Variants in CAMKK2 observed in about 807,000 individuals in gnomAD.
The protein encoded by CAMKK2 is calcium/calmodulin-dependent protein kinase kinase 2.
CAMKK2 carries 30 observed loss-of-function variants against 67.2 expected under a neutral mutation model. The ratio of observed to expected loss-of-function variants is 0.45; its 90% confidence interval spans 0.33 to 0.61. The LOEUF is 0.61. Ranked by LOEUF, CAMKK2 falls within the 20% of genes least tolerant of loss-of-function variation. CAMKK2 has a pLI of 0.02. For missense variants in CAMKK2, 643 were observed against 802.0 expected (o/e 0.80, Z 2.39); for synonymous variants, 322 against 326.2 (o/e 0.99, Z 0.14).
Position 121,285,124 on chromosome 12 carries a change from ACC to A in CAMKK2, c.-59-10541_-59-10540del, listed in dbSNP as rs898294041. ...TATGAGAGGTGGCCCTACAGGGCTGACCCCACCATCAGCTTCAGAGATTTGCA... is the reference window on the plus strand; with the variant it reads ...TATGAGAGGTGGCCCTACAGGGCTGACCACCATCAGCTTCAGAGATTTGCA... On this transcript the variant is annotated intron_variant, in intron 1 of 16. Coordinates refer to ENST00000404169, the MANE Select transcript of CAMKK2 (RefSeq NM_001270485.2). This position sits in a 1 kb window ranked among gnomAD's most constrained non-coding sequence, Gnocchi z 4.1. 1.3e-5 allele frequency among the ~76,000 whole-genome samples: 2 copies of A among 152,192 alleles called. No homozygotes were observed. The highest frequency in any genetic ancestry group is 2.4e-5 in the African/African-American group (1 of 41,444).
chr12:121,253,285 G>T lies in CAMKK2; in HGVS notation c.1095C>A (p.Ile365=), dbSNP rs3815990. The T allele has an allele frequency of 0.054, 87,496 of 1,613,988 alleles. 2,937 individuals are homozygous for T. Among genetic ancestry groups the T allele is most frequent in the South Asian group, 0.11 (10,297 of 91,086 alleles). ...GGCCCAAGCTTACCTTCCCAGAGAA[G>T]ATCTTGCGGGTCTCAGAGAGCGACT... The part of the protein sequence containing the change: ...APESLSETRK[I]FSGKALDVWA... Residue 365 remains isoleucine, a synonymous_variant, in exon 10 of 17, where the codon ATC becomes ATA. Coordinates refer to ENST00000404169, the MANE Select transcript of CAMKK2 (RefSeq NM_001270485.2). The surrounding 1 kb of genome is among the most constrained non-coding windows in gnomAD (Gnocchi z 5.0).
chr12:121,293,524 T>C (rs2136675341), intron 1 of CAMKK2, among the ~76,000 whole-genome samples: 1 of 152,146 alleles, frequency 6.6e-6, no homozygotes, highest in Non-Finnish European at 1.5e-5. Flanking sequence ...TAATGGTGAT[T>C]CTGTGGCCCA....
chr12:121,240,465 T>G lies in CAMKK2; in HGVS notation c.*234A>C, dbSNP rs1350188271. ...ATGCACGTGGGTTTGGGTCTGCAAC[T>G]CCTCACACCCGCCTGTCCAGCCAGC... On this transcript the variant is annotated 3_prime_UTR_variant, in exon 17 of 17. Transcript: ENST00000404169. The surrounding 1 kb of genome is among the most constrained non-coding windows in gnomAD (Gnocchi z 4.4). 6.5e-7 allele frequency: 1 copy of G among 1,533,992 alleles called. No homozygotes were observed. Among genetic ancestry groups the G allele is most frequent in the East Asian group, 2.4e-5 (1 of 40,854 alleles).
At chr12:121,258,158 G>C (rs1892727718) in intron 7 of CAMKK2, among the ~76,000 whole-genome samples, 1 of 151,748 alleles carries the variant, frequency 6.6e-6, no homozygotes, top group Non-Finnish European at 1.5e-5. Flanking sequence ...CCAAGTAGCT[G>C]AGATTACAGG....
intron 1 of CAMKK2, among the ~76,000 whole-genome samples, chr12:121,281,478 TG>T (rs1432173139): frequency 6.6e-6 from 1 of 152,230 alleles, no homozygotes; most frequent in African/African-American, 2.4e-5. Context: ...CTGTCTCACA[TG>T]GGGAAACTGA....
At chr12:121,289,807 C>T (rs1000022043) in intron 1 of CAMKK2, among the ~76,000 whole-genome samples, 1 of 151,498 alleles carries the variant, frequency 6.6e-6, no homozygotes, top group African/African-American at 2.4e-5. Context: ...GCACGACAAT[C>T]GCCTGAACCC....
chr12:121,263,718 C>T, intron 6 of CAMKK2, 88 bp downstream of exon 6: 1 of 1,354,796 alleles, frequency 7.4e-7, no homozygotes, highest in Non-Finnish European at 1.0e-6. Flanking sequence ...CTGGTGTGAC[C>T]TGGCTCTCCC....
At chr12:121,266,718 T>G (rs916646057) in intron 5 of CAMKK2, among the ~76,000 whole-genome samples, 5 of 151,964 alleles carry the variant, frequency 3.3e-5, no homozygotes, top group African/African-American at 1.2e-4. Context: ...GATCTTGAAC[T>G]CCTGACCTCG....
At chr12:121,271,332 G>A (rs1441785513) in intron 2 of CAMKK2, among the ~76,000 whole-genome samples, 2 of 148,518 alleles carry the variant, frequency 1.3e-5, no homozygotes, top group Non-Finnish European at 3.0e-5. Context: ...AACACATACA[G>A]GTAACCAGAA....
intron 16 of CAMKK2, among the ~76,000 whole-genome samples, chr12:121,242,767 G>A (rs569002222): frequency 7.7e-4 from 117 of 152,248 alleles, no homozygotes; most frequent in Non-Finnish European, 1.4e-3. Flanking sequence ...TTTTGAGACG[G>A]AGTCTCGCTC....
chr12:121,256,563 C>A (rs1813725542), intron 7 of CAMKK2, among the ~76,000 whole-genome samples: 1 of 152,142 alleles, frequency 6.6e-6, no homozygotes, highest in African/African-American at 2.4e-5. Flanking sequence ...ATTCTTCCCT[C>A]CCTCAATCCC....
At chr12:121,250,097 C>G in intron 11 of CAMKK2, 63 bp from the exon 12 acceptor site, 2 of 1,281,796 alleles carry the variant, frequency 1.6e-6, no homozygotes, top group Non-Finnish European at 2.2e-6. Context: ...TCGAGGGCCA[C>G]CTGTGCTGTG....
chr12:121,271,094 G>T, intron 2 of CAMKK2, 149 bp from the exon 3 acceptor site: 2 of 642,660 alleles, frequency 3.1e-6, no homozygotes, highest in South Asian at 3.7e-5. Context: ...GGCCAACATG[G>T]TGAAATCCCA....
intron 1 of CAMKK2, among the ~76,000 whole-genome samples, chr12:121,282,970 G>T (rs1234888571): frequency 1.3e-5 from 2 of 152,054 alleles, no homozygotes; most frequent in African/African-American, 4.8e-5. Flanking sequence ...GGTCAGGCTG[G>T]TCTCAAACTA....
rs1891003214 is a variant in CAMKK2 at position 121,252,712 on chromosome 12, G to A, written c.1110C>T (p.Ala370=). The A allele has an allele frequency of 6.2e-7, 1 of 1,614,138 alleles. No individual in the cohort carries two copies. The highest frequency in any genetic ancestry group is 2.2e-5 in the East Asian group (1 of 44,888). ...TCACACCCATGGCCCAAACATCCAA[G>A]GCCTGCAAGAAAAAGAGCTTAGTGT... ...SETRKIFSGK[A]LDVWAMGVTL... The change falls in exon 11 of 17, where the codon GCC becomes GCT. Residue 370 remains alanine, a splice_region_variant and synonymous_variant. Transcript: ENST00000404169.
chr12:121,276,062 A>T (rs1896742173), intron 1 of CAMKK2, among the ~76,000 whole-genome samples: 1 of 151,368 alleles, frequency 6.6e-6, no homozygotes, highest in African/African-American at 2.4e-5. Flanking sequence ...CAGGAGGCTG[A>T]GGCAGGAGAA....
At chr12:121,265,277 G>T (rs1168476892) in intron 5 of CAMKK2, among the ~76,000 whole-genome samples, 1 of 152,144 alleles carries the variant, frequency 6.6e-6, no homozygotes, top group Non-Finnish European at 1.5e-5. Context: ...GGGAGGATGT[G>T]AAAGGAGGAA....
At chr12:121,257,415 T>G (rs972296837) in intron 7 of CAMKK2, among the ~76,000 whole-genome samples, 3 of 151,964 alleles carry the variant, frequency 2.0e-5, no homozygotes, top group Non-Finnish European at 2.9e-5. Context: ...CCCGGCTAAT[T>G]TTTTGTATTT....
intron 1 of CAMKK2, among the ~76,000 whole-genome samples, chr12:121,293,661 C>A (rs1442580018): frequency 6.6e-6 from 1 of 151,732 alleles, no homozygotes; most frequent in Non-Finnish European, 1.5e-5. Context: ...AAAGAGGAAA[C>A]CCCCGGCTAC....
Sources: gnomAD v4.1 joint callset for allele counts (sites outside exome capture counted in the v4.1 genomes callset) on GRCh38, gnomAD v4.1.1 for gene constraint, Gnocchi (gnomAD v3.1) non-coding constraint, MANE v1.5 for transcripts, NCBI Gene and HGNC (gene_info 2026-07-23, HGNC 2026-07-21) for gene names.